LRMDA: variants seen among roughly 807,000 people sequenced by gnomAD.
LRMDA encodes the protein leucine rich melanocyte differentiation associated, also known as leucine-rich melanocyte differentiation-associated protein.
Under a neutral mutation model 29.8 loss-of-function variants are expected in LRMDA, and 18 were observed. The ratio of observed to expected loss-of-function variants is 0.60; its 90% CI spans 0.42 to 0.90. The LOEUF is 0.90. LRMDA is among the 40% of genes least tolerant of loss of function. The probability of loss-of-function intolerance (pLI) is 0.00; values close to 1 mark genes in which losing one functional copy is unlikely to be tolerated. For synonymous variants in LRMDA, 125 were observed against 109.4 expected (o/e 1.14, Z -0.89); for missense variants, 273 against 273.9 (o/e 1.00, Z 0.02).
At chr10:75,917,835 A>G (rs1422458105) in intron 2 of LRMDA, among the ~76,000 whole-genome samples, 1 of 152,134 alleles carries the variant, frequency 6.6e-6, no homozygotes. Flanking sequence ...TTTCTCCATA[A>G]ATTCAGAATA....
intron 2 of LRMDA, among the ~76,000 whole-genome samples, chr10:75,984,353 C>A (rs760130854): frequency 6.6e-6 from 1 of 152,200 alleles, no homozygotes; most frequent in Non-Finnish European, 1.5e-5. Context: ...AGCTTCCCTG[C>A]TGGGGCCTGG....
intron 2 of LRMDA, among the ~76,000 whole-genome samples, chr10:75,866,310 T>A (rs1284541437): frequency 2.0e-5 from 3 of 152,070 alleles, no homozygotes; most frequent in Non-Finnish European, 4.4e-5. Context: ...ATCAAAGGTG[T>A]TTGTGGGAGA....
At chr10:75,970,149 T>A (rs145788833) in intron 2 of LRMDA, among the ~76,000 whole-genome samples, 22 of 152,308 alleles carry the variant, frequency 1.4e-4, no homozygotes, top group Non-Finnish European at 2.1e-4. Context: ...ACACTGATCT[T>A]CCCCCTAGTT....
chr10:76,128,792 A>G (rs935106848), intron 5 of LRMDA, among the ~76,000 whole-genome samples: 1 of 152,150 alleles, frequency 6.6e-6, no homozygotes, highest in African/African-American at 2.4e-5. Context: ...TGTCTAGCCC[A>G]GAGCTCATCA....
At chr10:75,803,195 A>G (rs1168716871) in intron 2 of LRMDA, among the ~76,000 whole-genome samples, 1 of 152,054 alleles carries the variant, frequency 6.6e-6, no homozygotes, top group Admixed American at 6.6e-5. Flanking sequence ...CAGCCCCACA[A>G]GCTGTGTGAT....
At chr10:75,677,431 A>G (rs1247775266) in intron 2 of LRMDA, among the ~76,000 whole-genome samples, 3 of 152,200 alleles carry the variant, frequency 2.0e-5, no homozygotes, top group Non-Finnish European at 4.4e-5. Flanking sequence ...GTTTAAAAAA[A>G]AAGACCATTC....
At chr10:75,811,193 A>T (rs1295085646) in intron 2 of LRMDA, among the ~76,000 whole-genome samples, 3 of 152,186 alleles carry the variant, frequency 2.0e-5, no homozygotes, top group Non-Finnish European at 4.4e-5. Context: ...CCAAGGCCCC[A>T]AAGTGTCAGC....
chr10:75,863,232 G>A (rs553252352), intron 2 of LRMDA, among the ~76,000 whole-genome samples: 12 of 152,268 alleles, frequency 7.9e-5, no homozygotes, highest in African/African-American at 2.6e-4. Context: ...AGCTGTTAGC[G>A]TTGGGGGGAG....
intron 5 of LRMDA, among the ~76,000 whole-genome samples, chr10:76,310,334 C>T (rs1337307433): frequency 1.3e-5 from 2 of 152,104 alleles, no homozygotes; most frequent in Admixed American, 6.5e-5. Flanking sequence ...ATCAGATGTC[C>T]TCTTGGAGGT....
intron 5 of LRMDA, among the ~76,000 whole-genome samples, chr10:76,181,252 T>G (rs1293077186): frequency 2.0e-5 from 3 of 152,220 alleles, no homozygotes; most frequent in African/African-American, 7.2e-5. Context: ...ACCCAAAGCC[T>G]TGAGCTCATT....
intron 2 of LRMDA, among the ~76,000 whole-genome samples, chr10:76,029,681 T>C (rs1178419830): frequency 6.6e-6 from 1 of 152,214 alleles, no homozygotes; most frequent in Non-Finnish European, 1.5e-5. Context: ...AGGCATCATA[T>C]TTGAAAGTTT....
intron 2 of LRMDA, among the ~76,000 whole-genome samples, chr10:75,914,606 T>C (rs1051066593): frequency 5.3e-5 from 8 of 152,222 alleles, no homozygotes; most frequent in African/African-American, 1.9e-4. Context: ...ATTGGTTCCC[T>C]TTTATGGATC....
chr10:76,015,985 G>A (rs1197582276), intron 2 of LRMDA, among the ~76,000 whole-genome samples: 2 of 152,118 alleles, frequency 1.3e-5, no homozygotes, highest in African/African-American at 2.4e-5. Flanking sequence ...GGTTCTTGTA[G>A]CACTTATTTT....
chr10:75,851,617 T>C (rs1844734662), intron 2 of LRMDA, among the ~76,000 whole-genome samples: 1 of 152,188 alleles, frequency 6.6e-6, no homozygotes, highest in Non-Finnish European at 1.5e-5. Context: ...CTTTGATTAG[T>C]AGCAAGTTAG....
intron 2 of LRMDA, among the ~76,000 whole-genome samples, chr10:75,924,774 C>A (rs1425079473): frequency 1.3e-5 from 2 of 151,594 alleles, no homozygotes; most frequent in Non-Finnish European, 2.9e-5. Context: ...GCGGAGAGCA[C>A]AGGCAGGGAG....
chr10:76,506,036 C>T (rs895222096), intron 6 of LRMDA, among the ~76,000 whole-genome samples: 2 of 152,120 alleles, frequency 1.3e-5, no homozygotes, highest in African/African-American at 4.8e-5. Context: ...CAGGAACTGT[C>T]CCTGACATTT....
intron 2 of LRMDA, among the ~76,000 whole-genome samples, chr10:75,629,697 G>A (rs1841299416): frequency 6.6e-6 from 1 of 152,112 alleles, no homozygotes; most frequent in South Asian, 2.1e-4. Flanking sequence ...ATTTATATCT[G>A]TTCATGGGCT....
intron 2 of LRMDA, among the ~76,000 whole-genome samples, chr10:75,900,633 A>AG (rs1034078589): frequency 1.3e-5 from 2 of 151,908 alleles, no homozygotes; most frequent in Non-Finnish European, 2.9e-5. Context: ...ATGCCCCTGG[A>AG]GGGGTTAATG....
At chr10:76,167,744 T>C (rs1265815655) in intron 5 of LRMDA, among the ~76,000 whole-genome samples, 4 of 152,334 alleles carry the variant, frequency 2.6e-5, no homozygotes, top group African/African-American at 7.2e-5. Flanking sequence ...TGGGCTCTTT[T>C]TTGGTTCCAT....
Sources: allele counts gnomAD v4.1 joint callset (sites outside exome capture counted in the v4.1 genomes callset), GRCh38; gene constraint gnomAD v4.1.1; transcripts MANE v1.5; gene names NCBI Gene and HGNC (gene_info 2026-07-23, HGNC 2026-07-21).